Variants in NIPAL2 observed in about 807,000 individuals in gnomAD.
NIPAL2 encodes the protein NIPA-like protein 2.
Under a neutral mutation model 48.9 loss-of-function variants are expected in NIPAL2, and 43 were observed. The observed-to-expected ratio is 0.88, with a 90% CI of 0.69 to 1.13. The LOEUF (loss-of-function observed/expected upper bound fraction) is 1.13, where lower values mean the gene tolerates loss of function less well. Among genes scored for constraint, NIPAL2 ranks in the 50% most tolerant of loss-of-function variants. The probability of loss-of-function intolerance (pLI) is 0.00; values close to 1 mark genes in which losing one functional copy is unlikely to be tolerated. For missense variants in NIPAL2, 446 were observed against 461.4 expected (o/e 0.97, Z 0.31); for synonymous variants, 167 against 174.6 (o/e 0.96, Z 0.34).
At position 98,194,714 on chromosome 8, in the gene NIPAL2, A is replaced by G. The variant is rs755725421; in HGVS notation, c.1039+14T>C. The G allele has an allele frequency of 6.8e-7, 1 of 1,461,288 alleles. No individual in the cohort carries two copies. Among genetic ancestry groups the G allele is most frequent in the Non-Finnish European group, 9.3e-7 (1 of 1,076,244 alleles). 90.5% of individuals were successfully genotyped at this position (1,461,288 alleles called of 1,614,324 possible). A position where few individuals can be genotyped will look rare whatever the true frequency, so the allele number is the denominator to read the frequency against. On this transcript the variant is annotated intron_variant, in intron 10 of 10. Coordinates refer to ENST00000430223, the MANE Select transcript of NIPAL2 (RefSeq NM_001321635.2). ...AGGATCAAATTTTCCACTATAAAGA[A>G]TATATGATTTTACCAGGAATATTTC...
At chr8:98,293,433 C>G (rs1816596360) in intron 1 of NIPAL2, among the ~76,000 whole-genome samples, 2 of 152,150 alleles carry the variant, frequency 1.3e-5, no homozygotes, top group African/African-American at 2.4e-5. Context: ...CCCAAAGGGC[C>G]GGTGGGAAAG....
intron 5 of NIPAL2, among the ~76,000 whole-genome samples, chr8:98,221,485 C>T (rs1468387798): frequency 6.6e-6 from 1 of 151,464 alleles, no homozygotes; most frequent in African/African-American, 2.4e-5. Flanking sequence ...GTTGAGAGTA[C>T]TAATGGGAAT....
chr8:98,292,697 T>G (rs139653193), intron 1 of NIPAL2, among the ~76,000 whole-genome samples: 2 of 152,056 alleles, frequency 1.3e-5, no homozygotes, highest in Admixed American at 1.3e-4. Flanking sequence ...AATGTCCTGT[T>G]TTTGGATGAT....
chr8:98,273,306 G>C (rs1815250538), intron 1 of NIPAL2, among the ~76,000 whole-genome samples: 2 of 152,128 alleles, frequency 1.3e-5, no homozygotes, highest in Admixed American at 1.3e-4. Context: ...TAAATGTCCA[G>C]AATAACAAAT....
chr8:98,202,991 A>T, intron 8 of NIPAL2, 117 bp downstream of exon 8: 1 of 753,830 alleles, frequency 1.3e-6, no homozygotes, highest in Non-Finnish European at 2.2e-6. Context: ...AAATTCAGAC[A>T]CCAGGTGGAG....
At chr8:98,217,298 A>C in intron 5 of NIPAL2, 3 of 985,136 alleles carry the variant, frequency 3.0e-6, no homozygotes, top group Non-Finnish European at 3.6e-6. Flanking sequence ...TGGGGCACGC[A>C]AACACACAAG....
intron 4 of NIPAL2, among the ~76,000 whole-genome samples, chr8:98,225,578 T>A (rs187352176): frequency 1.3e-5 from 2 of 152,288 alleles, no homozygotes; most frequent in Non-Finnish European, 2.9e-5. Context: ...GTATCGGAGC[T>A]CTTTTGTATG....
Position 98,198,936 on chromosome 8 carries a change from TTTTTTC to T in NIPAL2, c.881-2937_881-2932del, listed in dbSNP as rs533723488. On this transcript the variant is annotated intron_variant, in intron 8 of 10. Transcript: ENST00000430223. Reference sequence around the variant, plus strand: ...GCATGTTAAATTTCCTTCAAAAAGTTTTTTTCTTTTTCTTTTTCTTTTCTTTTTTTT... The same window carrying T: ...GCATGTTAAATTTCCTTCAAAAAGTTTTTTTCTTTTTCTTTTCTTTTTTTT... 2.2e-3 allele frequency among the ~76,000 whole-genome samples: 338 copies of T among 152,050 alleles called. 1 individual carries two copies. The highest frequency in any genetic ancestry group is 0.01 in the Middle Eastern group (3 of 294).
chr8:98,195,421 CT>C, intron 9 of NIPAL2, among the ~76,000 whole-genome samples: 1 of 152,160 alleles, frequency 6.6e-6, no homozygotes, highest in Non-Finnish European at 1.5e-5. Context: ...TGTCAAAGTT[CT>C]GCTCTCTGTT....
intron 6 of NIPAL2, among the ~76,000 whole-genome samples, chr8:98,206,318 A>G (rs76716922): frequency 3.8e-5 from 5 of 132,558 alleles, no homozygotes; most frequent in Admixed American, 7.3e-5. Context: ...GTGTGTGTGT[A>G]TATATATATA....
chr8:98,220,964 C>CTT lies in NIPAL2; in HGVS notation c.558+1513_558+1514dup, dbSNP rs557824737. Among the ~76,000 whole-genome samples the CTT allele has an allele frequency of 5.9e-3, 407 of 68,662 alleles. 29 individuals are homozygous for CTT. The highest frequency in any genetic ancestry group is 0.02 in the African/African-American group (318 of 15,686). The allele number at this position is 68,662 out of a possible 152,430, so 45.0% of individuals were successfully genotyped here. On this transcript the variant is annotated intron_variant, in intron 5 of 10. Transcript: ENST00000430223. ...TATTTCTCTATCAGTTCATTTCATTCTTTTTTTTTTTTTTTTTTTTTTTTT... is the reference window on the plus strand; with the variant it reads ...TATTTCTCTATCAGTTCATTTCATTCTTTTTTTTTTTTTTTTTTTTTTTTTTT...
At chr8:98,201,655 A>C (rs1168437983) in intron 8 of NIPAL2, among the ~76,000 whole-genome samples, 3 of 152,154 alleles carry the variant, frequency 2.0e-5, no homozygotes, top group African/African-American at 7.2e-5. Flanking sequence ...AATATTAACT[A>C]TCAGGCTTAT....
intron 3 of NIPAL2, among the ~76,000 whole-genome samples, chr8:98,241,311 G>A (rs1273570632): frequency 1.3e-5 from 2 of 152,202 alleles, no homozygotes; most frequent in African/African-American, 4.8e-5. Context: ...ATAGGGGAAA[G>A]TCCAAATCAT....
intron 4 of NIPAL2, among the ~76,000 whole-genome samples, chr8:98,231,538 C>A (rs913242594): frequency 6.6e-6 from 1 of 152,048 alleles, no homozygotes; most frequent in African/African-American, 2.4e-5. Flanking sequence ...GTGCTTTTGA[C>A]GTCTAAGGGA....
intron 4 of NIPAL2, among the ~76,000 whole-genome samples, chr8:98,223,386 G>A (rs1338418949): frequency 6.6e-6 from 1 of 152,062 alleles, no homozygotes; most frequent in African/African-American, 2.4e-5. Flanking sequence ...GTGAAGGGAG[G>A]ACTTGCCCTT....
intron 1 of NIPAL2, among the ~76,000 whole-genome samples, chr8:98,270,192 T>C (rs1815040794): frequency 6.6e-6 from 1 of 152,210 alleles, no homozygotes; most frequent in Admixed American, 6.5e-5. Flanking sequence ...TTCCTTTGGG[T>C]ATATACCCAG....
chr8:98,248,328 T>C (rs1044783597), intron 3 of NIPAL2, among the ~76,000 whole-genome samples: 3 of 152,246 alleles, frequency 2.0e-5, no homozygotes, highest in Non-Finnish European at 4.4e-5. Flanking sequence ...CATGGAAGTA[T>C]GCTCCATTAT....
intron 1 of NIPAL2, among the ~76,000 whole-genome samples, chr8:98,282,356 A>G (rs1306872567): frequency 1.3e-5 from 2 of 152,202 alleles, no homozygotes; most frequent in Admixed American, 6.5e-5. Context: ...AGAGAAGGAT[A>G]AGTCCAGGTT....
chr8:98,246,750 A>G (rs1813327246), intron 3 of NIPAL2, among the ~76,000 whole-genome samples: 1 of 152,148 alleles, frequency 6.6e-6, no homozygotes, highest in Non-Finnish European at 1.5e-5. Context: ...CTTTTAATCA[A>G]TATACTCAGA....
Sources: allele counts gnomAD v4.1 joint callset (sites outside exome capture counted in the v4.1 genomes callset), GRCh38; gene constraint gnomAD v4.1.1; transcripts MANE v1.5; gene names NCBI Gene and HGNC (gene_info 2026-07-23, HGNC 2026-07-21).